The following ZBTB49 variants were observed in gnomAD, a reference collection of about 807,000 sequenced individuals.
ZBTB49 encodes the protein zinc finger and BTB domain-containing protein 49.
Under a neutral mutation model 57.5 loss-of-function variants are expected in ZBTB49, and 43 were observed. The observed-to-expected ratio is 0.75, with a 90% CI of 0.59 to 0.97. The LOEUF (loss-of-function observed/expected upper bound fraction) is 0.97. Ranked by LOEUF, ZBTB49 falls within the 50% of genes least tolerant of loss-of-function variation. ZBTB49 has a pLI of 0.00. For missense variants in ZBTB49, 938 were observed against 947.7 expected, an observed-to-expected ratio of 0.99 and a Z score of 0.13; for synonymous variants, 369 against 362.1, an observed-to-expected ratio of 1.02 and a Z score of -0.22.
intron 1 of ZBTB49, among the ~76,000 whole-genome samples, chr4:4,297,068 A>T (rs1307478914): frequency 1.3e-5 from 2 of 151,970 alleles, no homozygotes; most frequent in African/African-American, 2.4e-5. Context: ...CTTTTATTTT[A>T]TTTATTTATT....
At chr4:4,306,292 T>C in intron 4 of ZBTB49, 108 bp downstream of exon 4, 1 of 896,482 alleles carries the variant, frequency 1.1e-6, no homozygotes, top group East Asian at 2.5e-5. Flanking sequence ...TCTAATGATG[T>C]CTGTAACTTA....
intron 4 of ZBTB49, among the ~76,000 whole-genome samples, chr4:4,310,870 T>G (rs1720959539): frequency 6.6e-6 from 1 of 152,068 alleles, no homozygotes; most frequent in South Asian, 2.1e-4. Context: ...TAAGACATGG[T>G]CTGTGCACCT....
At position 4,311,875 on chromosome 4, in the gene ZBTB49, G is replaced by C. The variant is rs140796746; in HGVS notation, c.1303-1166G>C. ...ATTCTTAAATGTAATGTCTAACTCT[G>C]TTTCCCAGAATTTGATAGACATGAT... On this transcript the variant is annotated intron_variant, in intron 4 of 7. Transcript: ENST00000337872. Among the ~76,000 whole-genome samples the C allele has an allele frequency of 3.9e-5, 6 of 152,244 alleles. No individual in the cohort carries two copies. The East Asian group carries it at 1.2e-3, about 29-fold the overall frequency.
intron 1 of ZBTB49, among the ~76,000 whole-genome samples, chr4:4,290,975 G>A (rs1238761267): frequency 6.6e-6 from 1 of 152,148 alleles, no homozygotes; most frequent in Non-Finnish European, 1.5e-5. Context: ...CTTAAAACAG[G>A]GTCTGGCACA....
intron 2 of ZBTB49, among the ~76,000 whole-genome samples, chr4:4,300,834 G>C (rs916994462): frequency 1.3e-5 from 2 of 150,334 alleles, no homozygotes; most frequent in Non-Finnish European, 3.0e-5. Context: ...AGTTCATTTT[G>C]TTGTTAGCAG....
In ZBTB49 at chr4:4,314,969, T is replaced by G. The variant is rs565805003; in HGVS notation, c.1377-667T>G. Among the ~76,000 whole-genome samples the G allele has an allele frequency of 3.9e-5, 6 of 152,348 alleles. 1 individual carries two copies. Among genetic ancestry groups the G allele is most frequent in the African/African-American group, 1.4e-4 (6 of 41,590 alleles). On this transcript the variant is annotated intron_variant, in intron 5 of 7. Coordinates refer to ENST00000337872, the MANE Select transcript of ZBTB49 (RefSeq NM_145291.4). ...GCTCAGTGAATGCTGGTTCCCTTTC[T>G]TCCATTAGTTCCCTTGTTCTCAATG...
chr4:4,321,524 G>A lies in ZBTB49; in HGVS notation c.*208G>A. 1.6e-6 allele frequency: 1 copy of A among 606,234 alleles called. No homozygotes were observed. The allele number at this position is 606,234 out of a possible 1,614,324, so 37.6% of individuals were successfully genotyped here. On this transcript the variant is annotated 3_prime_UTR_variant, in exon 8 of 8. Transcript: ENST00000337872. ...GCTGGCTCACCGTGAGGCAGCCGCG[G>A]GAGGGAGCGCTGACGTCACAGAAGC...
chr4:4,312,930 G>T lies in ZBTB49; in HGVS notation c.1303-111G>T, dbSNP rs532848499. The T allele has an allele frequency of 1.1e-3, 1,309 of 1,201,976 alleles. 1 individual carries two copies. Among genetic ancestry groups the T allele is most frequent in the South Asian group, 2.1e-3 (147 of 70,486 alleles). The allele number at this position is 1,201,976 out of a possible 1,614,324, so 74.5% of individuals were successfully genotyped here. A position where few individuals can be genotyped will look rare whatever the true frequency, so the allele number is the denominator to read the frequency against. ...GTTGTGTGTAGCTCATCTTCATCTG[G>T]AATTTGAATTGGAACCTGGCTAAAT... On this transcript the variant is annotated intron_variant, in intron 4 of 7. Transcript: ENST00000337872.
intron 4 of ZBTB49, among the ~76,000 whole-genome samples, chr4:4,311,791 A>G (rs1358268928): frequency 6.6e-6 from 1 of 152,214 alleles, no homozygotes; most frequent in East Asian, 1.9e-4. Flanking sequence ...GTTTTGTCAA[A>G]CTCTTTCTCT....
chr4:4,295,681 C>G (rs1375004262), intron 1 of ZBTB49, among the ~76,000 whole-genome samples: 1 of 152,190 alleles, frequency 6.6e-6, no homozygotes, highest in African/African-American at 2.4e-5. Context: ...TTTCTGTACT[C>G]TCTTTTGGGG....
chr4:4,311,465 A>G (rs1720977286), intron 4 of ZBTB49, among the ~76,000 whole-genome samples: 1 of 152,256 alleles, frequency 6.6e-6, no homozygotes, highest in Non-Finnish European at 1.5e-5. Context: ...AGTTACCGTC[A>G]TATTGAATAT....
intron 7 of ZBTB49, 94 bp from the exon 8 acceptor site, chr4:4,320,546 A>AG: frequency 6.7e-7 from 1 of 1,490,660 alleles, no homozygotes; most frequent in Non-Finnish European, 9.1e-7. Context: ...AGGCTGAGGA[A>AG]GAAGGATTGT....
chr4:4,303,214 A>C, intron 3 of ZBTB49, 123 bp downstream of exon 3: 1 of 1,173,574 alleles, frequency 8.5e-7, no homozygotes, highest in Non-Finnish European at 1.1e-6. Flanking sequence ...GATTTTAAAC[A>C]AAATAAGGGG....
intron 7 of ZBTB49, among the ~76,000 whole-genome samples, chr4:4,316,549 G>A (rs1215673272): frequency 6.6e-6 from 1 of 152,186 alleles, no homozygotes; most frequent in Non-Finnish European, 1.5e-5. Context: ...GGCCTCTAAA[G>A]AGGGAGAGTG....
intron 4 of ZBTB49, among the ~76,000 whole-genome samples, chr4:4,308,789 G>T (rs1340265465): frequency 6.6e-6 from 1 of 152,196 alleles, no homozygotes; most frequent in Non-Finnish European, 1.5e-5. Flanking sequence ...ACAGTGAAAT[G>T]TTGGAACTGC....
At chr4:4,310,274 G>A (rs1720926776) in intron 4 of ZBTB49, among the ~76,000 whole-genome samples, 1 of 152,150 alleles carries the variant, frequency 6.6e-6, no homozygotes, top group African/African-American at 2.4e-5. Context: ...AGGTTTAACA[G>A]TCCAAACTTT....
rs1327594354 is a variant in ZBTB49, at chr4:4,315,678, C to T, written c.1419C>T (p.His473=). 6.2e-7 allele frequency: 1 copy of T among 1,614,216 alleles called. No homozygotes were observed. Among genetic ancestry groups the T allele is most frequent in the South Asian group, 1.1e-5 (1 of 91,084 alleles). The change falls in exon 6 of 8, where the codon CAC becomes CAT. Residue 473 remains histidine (H), a synonymous_variant. Transcript: ENST00000337872. ...SGDVQRHIII[H]SGEKPHLCDI... is the part of the protein sequence containing the mutation. ...ACGTCCAGCGTCACATTATTATTCA[C>T]TCAGGAGAAAAACCACACTTGTGTG...
At chr4:4,294,736 T>A (rs1289557567) in intron 1 of ZBTB49, among the ~76,000 whole-genome samples, 1 of 152,138 alleles carries the variant, frequency 6.6e-6, no homozygotes, top group Non-Finnish European at 1.5e-5. Flanking sequence ...TCCAAATAAC[T>A]TTTTCCTTTA....
Position 4,320,818 on chromosome 4 carries a change from C to T in ZBTB49, c.1800C>T (p.Ser600=). 6.2e-7 allele frequency: 1 copy of T among 1,614,174 alleles called. No homozygotes were observed. Among genetic ancestry groups the T allele is most frequent in the Non-Finnish European group, 8.5e-7 (1 of 1,180,024 alleles). ...GCCCAGATGTGCTGGAGGAGCTCAG[C>T]CAAGCCATCGAGACCTCCGACCTCG... ...DESPDVLEEL[S]QAIETSDLEK... The change falls in exon 8 of 8, where the codon AGC becomes AGT. Residue 600 remains serine (S), a synonymous_variant. Coordinates refer to ENST00000337872, the MANE Select transcript of ZBTB49 (RefSeq NM_145291.4).
Sources: gnomAD v4.1 joint callset for allele counts (sites outside exome capture counted in the v4.1 genomes callset) on GRCh38, gnomAD v4.1.1 for gene constraint, MANE v1.5 for transcripts, NCBI Gene and HGNC (gene_info 2026-07-23, HGNC 2026-07-21) for gene names.